Variants in MELK observed in about 807,000 individuals in gnomAD.
MELK encodes the protein pEg3 kinase.
A neutral mutation model predicts 85.0 loss-of-function variants in MELK; 81 were observed. That is an observed-to-expected ratio of 0.95 (90% CI 0.80 to 1.15). The LOEUF is 1.15. Ranked by LOEUF, MELK falls within the 50% of genes most tolerant of loss-of-function variation. The pLI, the probability that MELK is intolerant of heterozygous loss-of-function variation, is 0.00. For synonymous variants in MELK, 252 were observed against 265.0 expected (o/e 0.95, Z 0.48); for missense variants, 754 against 777.5 (o/e 0.97, Z 0.36).
In MELK at chr9:36,629,817, C is replaced by T. The variant is rs1019135153; in HGVS notation, c.667-482C>T. 6.7e-5 allele frequency among the ~76,000 whole-genome samples: 10 copies of T among 149,204 alleles called. No homozygotes were observed. In the East Asian group the frequency reaches 7.8e-4, roughly 12 times the overall value. On this transcript the variant is annotated intron_variant, in intron 8 of 17. Transcript: ENST00000298048. ...AGGCAATGATAGTATTTAATATGCC[C>T]GATTTTTTCTTTAAGGCAAGAAATT...
chr9:36,665,778 GT>G (rs1423104741), intron 14 of MELK, among the ~76,000 whole-genome samples, 197 bp downstream of exon 14: 1 of 152,124 alleles, frequency 6.6e-6, no homozygotes, highest in Non-Finnish European at 1.5e-5. Context: ...ATGATACCAA[GT>G]TTTTCCTCTT....
intron 8 of MELK, among the ~76,000 whole-genome samples, chr9:36,623,923 G>A (rs972716269): frequency 4.6e-5 from 7 of 152,082 alleles, no homozygotes; most frequent in Non-Finnish European, 8.8e-5. Context: ...TAGTTGTATC[G>A]CAGATAATAA....
intron 8 of MELK, among the ~76,000 whole-genome samples, chr9:36,614,135 C>T (rs1305144575): frequency 3.4e-5 from 5 of 147,756 alleles, no homozygotes; most frequent in Admixed American, 2.7e-4. Context: ...CTCGCCCTGT[C>T]GTCCAGGCTG....
Position 36,669,445 on chromosome 9 carries a change from A to G in MELK, c.1505+39A>G, listed in dbSNP as rs984434107. The G allele has an allele frequency of 5.8e-6, 8 of 1,386,412 alleles. No individual in the cohort carries two copies. The African/African-American group carries it at 5.9e-5, about 10-fold the overall frequency. The allele number at this position is 1,386,412 out of a possible 1,614,324, so 85.9% of individuals were successfully genotyped here. On this transcript the variant is annotated intron_variant, in intron 15 of 17. Transcript: ENST00000298048. ...TTTTTTAGACTCTAATCTTTAGTAT[A>G]TGTAACCAGATTTCCTTTTTCATGT...
intron 13 of MELK, among the ~76,000 whole-genome samples, chr9:36,662,440 C>T (rs1279162669): frequency 1.3e-5 from 2 of 152,020 alleles, no homozygotes; most frequent in African/African-American, 2.4e-5. Context: ...GACAGGGTTT[C>T]ACCATGTTGG....
intron 10 of MELK, among the ~76,000 whole-genome samples, chr9:36,638,054 G>A (rs1829380678): frequency 6.6e-6 from 1 of 152,146 alleles, no homozygotes; most frequent in Non-Finnish European, 1.5e-5. Flanking sequence ...GCAAATGCCT[G>A]TGTTCAGCCA....
chr9:36,593,176 C>CTT (rs368674596), intron 4 of MELK, among the ~76,000 whole-genome samples: 11 of 131,198 alleles, frequency 8.4e-5, no homozygotes, highest in African/African-American at 2.0e-4. Context: ...AGAGCTTCCT[C>CTT]TTTTTTTTTT....
At position 36,662,635 on chromosome 9, in the gene MELK, T is replaced by A. The variant is rs1246865987; in HGVS notation, c.1177-2715T>A. Among the ~76,000 whole-genome samples, 3 of 152,370 alleles carry A rather than the reference T, an allele frequency of 2.0e-5. No homozygotes were observed. The East Asian group carries it at 5.8e-4, about 29-fold the overall frequency. On this transcript the variant is annotated intron_variant, in intron 13 of 17. Coordinates refer to ENST00000298048, the MANE Select transcript of MELK (RefSeq NM_014791.4). The stretch of plus-strand genomic sequence containing the variant: ...CCCCTCCTGGATTCCATGCTATTGA[T>A]GTGTCCAGTGTATTAGCTCTTGAAT...
At chr9:36,602,178 A>G (rs1216410433) in intron 7 of MELK, among the ~76,000 whole-genome samples, 1 of 152,028 alleles carries the variant, frequency 6.6e-6, no homozygotes, top group Non-Finnish European at 1.5e-5. Context: ...ACCATCTTAC[A>G]TTTTCACCAA....
intron 3 of MELK, 140 bp from the exon 4 acceptor site, chr9:36,589,396 C>CG (rs1823291165): frequency 1.6e-6 from 1 of 623,462 alleles, no homozygotes; most frequent in Non-Finnish European, 2.9e-6. Flanking sequence ...GATCCGCCCG[C>CG]CTCGGCCTCC....
At chr9:36,618,446 T>G (rs10814418) in intron 8 of MELK, among the ~76,000 whole-genome samples, 34,236 of 151,546 alleles carry the variant, frequency 0.23, 6,287 homozygotes, top group African/African-American at 0.51. Context: ...AATCATGATG[T>G]CAACGTAGCC....
intron 1 of MELK, among the ~76,000 whole-genome samples, chr9:36,577,826 T>C (rs990299316): frequency 4.6e-5 from 7 of 152,042 alleles, no homozygotes; most frequent in Admixed American, 2.0e-4. Flanking sequence ...TAATTTTTTA[T>C]ATTTTTAGTA....
chr9:36,664,607 T>C (rs1034045465), intron 13 of MELK, among the ~76,000 whole-genome samples: 4 of 152,238 alleles, frequency 2.6e-5, no homozygotes, highest in Non-Finnish European at 2.9e-5. Flanking sequence ...TTCTCCTCCC[T>C]CAGAACCAAG....
intron 7 of MELK, among the ~76,000 whole-genome samples, chr9:36,603,456 G>A (rs1390020693): frequency 3.3e-5 from 5 of 150,912 alleles, no homozygotes; most frequent in Non-Finnish European, 5.9e-5. Context: ...TTTTGAGACA[G>A]GGTGTCACTC....
chr9:36,609,211 C>T (rs1010852747), intron 8 of MELK, among the ~76,000 whole-genome samples: 2 of 151,438 alleles, frequency 1.3e-5, no homozygotes, highest in African/African-American at 4.8e-5. Flanking sequence ...GTGATGATTA[C>T]ACAACTTTGT....
intron 8 of MELK, among the ~76,000 whole-genome samples, chr9:36,614,136 G>A (rs1460859716): frequency 6.7e-6 from 1 of 148,540 alleles, no homozygotes; most frequent in Non-Finnish European, 1.5e-5. Flanking sequence ...TCGCCCTGTC[G>A]TCCAGGCTGG....
chr9:36,666,920 T>G (rs73645815), intron 14 of MELK, among the ~76,000 whole-genome samples: 2,509 of 148,050 alleles, frequency 0.017, 69 homozygotes, highest in African/African-American at 0.054. Context: ...GGTGTGTGTG[T>G]GGGGGGGTGC....
At chr9:36,632,780 T>C (rs964454268) in intron 9 of MELK, among the ~76,000 whole-genome samples, 1 of 152,200 alleles carries the variant, frequency 6.6e-6, no homozygotes, top group African/African-American at 2.4e-5. Context: ...GTTTAATTGG[T>C]GAATATTTCC....
chr9:36,647,787 C>T (rs866245899), intron 11 of MELK, among the ~76,000 whole-genome samples: 12 of 152,178 alleles, frequency 7.9e-5, no homozygotes, highest in African/African-American at 2.4e-4. Context: ...CCACTGTGCC[C>T]GGCCATGAAG....
Sources: gnomAD v4.1 joint callset for allele counts (sites outside exome capture counted in the v4.1 genomes callset) on GRCh38, gnomAD v4.1.1 for gene constraint, MANE v1.5 for transcripts, NCBI Gene and HGNC (gene_info 2026-07-23, HGNC 2026-07-21) for gene names.